MAP3K7: variants seen among roughly 807,000 people sequenced by gnomAD.
The protein encoded by MAP3K7 is TGF-beta activated kinase 1.
A neutral mutation model predicts 84.8 loss-of-function variants in MAP3K7; 21 were observed. The ratio of observed to expected loss-of-function variants is 0.25; its 90% confidence interval spans 0.18 to 0.36. The LOEUF is 0.36. MAP3K7 is among the 10% of genes least tolerant of loss of function. The pLI, the probability that MAP3K7 is intolerant of heterozygous loss-of-function variation, is 1.00. For missense variants in MAP3K7, 503 were observed against 747.7 expected (o/e 0.67, Z 3.82); for synonymous variants, 241 against 247.7 (o/e 0.97, Z 0.25).
At chr6:90,560,797 A>AT (rs951942664) in intron 4 of MAP3K7, among the ~76,000 whole-genome samples, 12 of 152,268 alleles carry the variant, frequency 7.9e-5, no homozygotes, top group African/African-American at 2.4e-4. Flanking sequence ...ACATTACCAC[A>AT]TTTTTTCAAA....
chr6:90,520,815 C>T (rs1775125389), intron 14 of MAP3K7, among the ~76,000 whole-genome samples: 1 of 151,998 alleles, frequency 6.6e-6, no homozygotes, highest in Non-Finnish European at 1.5e-5. Context: ...AAACTACGCT[C>T]CCACATAAAC....
intron 12 of MAP3K7, among the ~76,000 whole-genome samples, 192 bp downstream of exon 12, chr6:90,544,360 T>C (rs1775938305): frequency 6.6e-6 from 1 of 152,120 alleles, no homozygotes; most frequent in Non-Finnish European, 1.5e-5. Flanking sequence ...TCCTCACTTA[T>C]TGTAGATCAG....
At chr6:90,561,821 T>C (rs1171824145) in intron 3 of MAP3K7, among the ~76,000 whole-genome samples, 154 bp from the exon 4 acceptor site, 2 of 152,162 alleles carry the variant, frequency 1.3e-5, no homozygotes, top group Admixed American at 6.5e-5. Flanking sequence ...AAGGAAAAGG[T>C]ATCTATGACC....
At chr6:90,578,959 C>T (rs1394565275) in intron 1 of MAP3K7, among the ~76,000 whole-genome samples, 1 of 152,120 alleles carries the variant, frequency 6.6e-6, no homozygotes, top group East Asian at 1.9e-4. Context: ...ACCATAAACC[C>T]ATGAATATAT....
chr6:90,520,287 C>G (rs1775106231), intron 14 of MAP3K7, among the ~76,000 whole-genome samples: 1 of 152,004 alleles, frequency 6.6e-6, no homozygotes, highest in Non-Finnish European at 1.5e-5. Context: ...AGGAAGACAG[C>G]AGACGCACTG....
intron 13 of MAP3K7, among the ~76,000 whole-genome samples, chr6:90,533,809 T>G (rs1775582861): frequency 6.6e-6 from 1 of 152,184 alleles, no homozygotes; most frequent in South Asian, 2.1e-4. Context: ...CTAACAACAG[T>G]GAGGCCACAG....
intron 6 of MAP3K7, among the ~76,000 whole-genome samples, chr6:90,555,381 G>C (rs575200108): frequency 6.6e-6 from 1 of 151,652 alleles, no homozygotes; most frequent in Non-Finnish European, 1.5e-5. Context: ...TCAGCCTCCC[G>C]AGTAGCTGGG....
At chr6:90,532,635 T>C (rs1392268085) in intron 13 of MAP3K7, among the ~76,000 whole-genome samples, 2 of 152,220 alleles carry the variant, frequency 1.3e-5, no homozygotes, top group African/African-American at 2.4e-5. Context: ...TTCTTGAATA[T>C]AGATCTATAC....
chr6:90,558,343 A>AATG, intron 5 of MAP3K7, among the ~76,000 whole-genome samples: 1 of 151,808 alleles, frequency 6.6e-6, no homozygotes, highest in African/African-American at 2.4e-5. Context: ...TAATAATAAT[A>AATG]ATAAAAATAA....
chr6:90,545,371 T>C (rs951111802), intron 11 of MAP3K7, among the ~76,000 whole-genome samples: 2 of 152,160 alleles, frequency 1.3e-5, no homozygotes, highest in Admixed American at 6.6e-5. Context: ...GTTATCCTTC[T>C]AGCAAAGTCA....
At chr6:90,520,400 T>C (rs1218740227) in intron 14 of MAP3K7, among the ~76,000 whole-genome samples, 3 of 151,980 alleles carry the variant, frequency 2.0e-5, no homozygotes, top group Non-Finnish European at 4.4e-5. Flanking sequence ...GCTTTTGTTT[T>C]TGTTTTTTTA....
rs1265335108 is a variant in MAP3K7, at chr6:90,560,107, C to T, written c.451G>A (p.Ala151Thr). ...GGTTTCAGGTCCCTGTGAATTAGCG[C>T]TTTGGGTTGCATGCTGTGAAGATAA... ...VAYLHSMQPK[A>T]LIHRDLKPPN... Residue 151 changes from alanine (A) to threonine (T), a missense_variant, in exon 5 of 17, where the codon GCG becomes ACG. This residue lies in a region of MAP3K7 where 97 missense variants were observed against 270.8 expected (regional missense o/e 0.36). Transcript: ENST00000369329. The T allele has an allele frequency of 6.2e-7, 1 of 1,614,004 alleles. No homozygotes were observed. Among genetic ancestry groups the T allele is most frequent in the Non-Finnish European group, 8.5e-7 (1 of 1,180,040 alleles).
chr6:90,584,873 G>T (rs1041834759), intron 1 of MAP3K7, among the ~76,000 whole-genome samples: 16 of 151,996 alleles, frequency 1.1e-4, no homozygotes, highest in Admixed American at 3.9e-4. Flanking sequence ...TCTTAAAAAA[G>T]AATATTAGCC....
chr6:90,568,474 A>T (rs1304877467), intron 3 of MAP3K7, 84 bp downstream of exon 3: 4 of 1,206,770 alleles, frequency 3.3e-6, no homozygotes, highest in Non-Finnish European at 4.7e-6. Flanking sequence ...AAAACAAAAA[A>T]ACCCAAAAAT....
Position 90,586,095 on chromosome 6 carries a change from G to C in MAP3K7, c.120+669C>G, listed in dbSNP as rs545662944. On this transcript the variant is annotated intron_variant, in intron 1 of 16. Transcript: ENST00000369329. ...GCCATTAAGAACATTACGTCCGGCC[G>C]GGCCCGGTGGCTCACGCCTGTAATC... Among the ~76,000 whole-genome samples, 86 of 152,182 alleles carry C rather than the reference G, an allele frequency of 5.7e-4. 3 individuals are homozygous for C. The South Asian group carries it at 0.017, about 30-fold the overall frequency.
chr6:90,535,990 A>G (rs1389666152), intron 13 of MAP3K7, among the ~76,000 whole-genome samples: 1 of 152,180 alleles, frequency 6.6e-6, no homozygotes, highest in Admixed American at 6.5e-5. Context: ...AAAAGGAGAC[A>G]TATTAATGAT....
In MAP3K7 at chr6:90,544,636, CA is replaced by C; in HGVS notation, c.1211-5del. 6.2e-7 allele frequency: 1 copy of C among 1,611,486 alleles called. No individual in the cohort carries two copies. The highest frequency in any genetic ancestry group is 1.1e-5 in the South Asian group (1 of 91,026). ...CCCCGTTTAGGCTTGGAATAGGCTG[CA>C]AAAACACATATATACAGTATACATG... On this transcript the variant is annotated splice_polypyrimidine_tract_variant and splice_region_variant and intron_variant, in intron 11 of 16. Coordinates refer to ENST00000369329, the MANE Select transcript of MAP3K7 (RefSeq NM_145331.3).
At position 90,556,630 on chromosome 6, in the gene MAP3K7, T is replaced by A. The variant is rs780418769; in HGVS notation, c.483-6A>T. The A allele has an allele frequency of 2.1e-5, 32 of 1,531,830 alleles. No homozygotes were observed. Among genetic ancestry groups the A allele is most frequent in the African/African-American group, 7.1e-5 (5 of 70,170 alleles). 94.9% of individuals were successfully genotyped at this position (1,531,830 alleles called of 1,614,324 possible). A position where few individuals can be genotyped will look rare whatever the true frequency, so the allele number is the denominator to read the frequency against. ...CCCCTGCAACCAGCAGTAAGCTGTT[T>A]AAAAAAAAACAAAAAACATCAAAAG... On this transcript the variant is annotated splice_polypyrimidine_tract_variant and splice_region_variant and intron_variant, in intron 5 of 16. Transcript: ENST00000369329.
At chr6:90,570,786 C>T (rs998502796) in intron 2 of MAP3K7, among the ~76,000 whole-genome samples, 3 of 152,074 alleles carry the variant, frequency 2.0e-5, no homozygotes, top group African/African-American at 7.2e-5. Flanking sequence ...TGTGAAACTG[C>T]TAATGTAACA....
Sources: allele counts gnomAD v4.1 joint callset (sites outside exome capture counted in the v4.1 genomes callset), GRCh38; gene constraint gnomAD v4.1.1; regional missense constraint gnomAD v4.1.1; transcripts MANE v1.5; gene names NCBI Gene and HGNC (gene_info 2026-07-23, HGNC 2026-07-21).